NDST1: variants seen among roughly 807,000 people sequenced by gnomAD.
The protein encoded by NDST1 is bifunctional heparan sulfate N-deacetylase/N-sulfotransferase 1.
NDST1 carries 35 observed loss-of-function variants against 92.8 expected under a neutral mutation model. The ratio of observed to expected loss-of-function variants is 0.38; its 90% CI spans 0.29 to 0.50. The LOEUF (loss-of-function observed/expected upper bound fraction) is 0.50, where lower values mean the gene tolerates loss of function less well. NDST1 is among the 20% of genes least tolerant of loss of function. NDST1 has a pLI of 0.94. For synonymous variants in NDST1, 493 were observed against 500.3 expected (o/e 0.99, Z 0.19); for missense variants, 822 against 1,182.7 (o/e 0.69, Z 4.47).
chr5:150,521,414 C>T lies in NDST1; in HGVS notation c.160C>T (p.Pro54Ser). The change falls in exon 2 of 15, where the codon CCT (proline) becomes TCT (serine). Residue 54 changes from proline to serine, a missense_variant. Physicochemically the swap from Pro to Ser is moderately conservative, Grantham distance 74 (BLOSUM62 -1). Coordinates refer to ENST00000261797, the MANE Select transcript of NDST1 (RefSeq NM_001543.5). The surrounding 1 kb of genome is among the most constrained non-coding windows in gnomAD (Gnocchi z 5.9). ...GGAGCCCTCGGCGGATGCCCCCGAG[C>T]CTGACTGCGGGGACCCGCCGCCTGT... ...GLEPSADAPE[P>S]DCGDPPPVAP... 1.2e-6 allele frequency: 2 copies of T among 1,613,018 alleles called. No individual in the cohort carries two copies. The highest frequency in any genetic ancestry group is 1.1e-5 in the South Asian group (1 of 91,078).
At chr5:150,513,769 C>G (rs900291819) in intron 1 of NDST1, among the ~76,000 whole-genome samples, 2 of 152,252 alleles carry the variant, frequency 1.3e-5, no homozygotes, top group Non-Finnish European at 2.9e-5. Context: ...TCCCTGGTCC[C>G]AGTCTCTGGA....
upstream of NDST1, among the ~76,000 whole-genome samples, chr5:150,503,235 G>A (rs1753308162): frequency 6.6e-6 from 1 of 152,134 alleles, no homozygotes; most frequent in African/African-American, 2.4e-5. Flanking sequence ...CTGAGGTCAG[G>A]AGTTCGAGAC....
Position 150,542,626 on chromosome 5 carries a change from C to T in NDST1, c.1847-222C>T, listed in dbSNP as rs542686291. Among the ~76,000 whole-genome samples, 6 of 152,278 alleles carry T rather than the reference C, an allele frequency of 3.9e-5. No individual in the cohort carries two copies. The South Asian group carries it at 8.3e-4, about 21-fold the overall frequency. ...AGTGCTGTGATAGATTAGCGATGTC[C>T]GTAGTAGGTACAGGAGTTGCGGTGT... On this transcript the variant is annotated intron_variant, in intron 9 of 14. Coordinates refer to ENST00000261797, the MANE Select transcript of NDST1 (RefSeq NM_001543.5).
rs1181381708 is a variant in NDST1, at chr5:150,543,027, G to T, written c.1970+56G>T. ...GGGAAGGCCATCCTGGGGCCTCCCA[G>T]GAGTCTGCTGTGGCCACAGCAGGAA... On this transcript the variant is annotated intron_variant, in intron 10 of 14. Transcript: ENST00000261797. 7 of 1,610,802 alleles carry T rather than the reference G, an allele frequency of 4.3e-6. No individual in the cohort carries two copies. In the Admixed American group the frequency reaches 1.2e-4, roughly 27 times the overall value.
At chr5:150,512,252 G>A (rs536412489) in intron 1 of NDST1, among the ~76,000 whole-genome samples, 28 of 152,258 alleles carry the variant, frequency 1.8e-4, no homozygotes, top group African/African-American at 6.3e-4. Flanking sequence ...GTGTGTGTTG[G>A]GGGGGCAGGG....
chr5:150,551,539 G>A (rs1755727083), intron 13 of NDST1, among the ~76,000 whole-genome samples: 1 of 152,218 alleles, frequency 6.6e-6, no homozygotes, highest in African/African-American at 2.4e-5. Flanking sequence ...CAGAATGTGC[G>A]AGCTGCCCTT....
At chr5:150,518,671 T>C (rs1033767853) in intron 1 of NDST1, 2 of 152,248 alleles carry the variant, frequency 1.3e-5, no homozygotes, top group Non-Finnish European at 2.9e-5. Flanking sequence ...TTATAAATGT[T>C]TTTGACTTTG....
At chr5:150,502,251 G>A (rs1442038990) in intron 1 of NDST1, among the ~76,000 whole-genome samples, 5 of 152,150 alleles carry the variant, frequency 3.3e-5, no homozygotes, top group Non-Finnish European at 7.4e-5. Context: ...GAGGTTGGGC[G>A]AGTCAGTGGT....
intron 3 of NDST1, among the ~76,000 whole-genome samples, 157 bp from the exon 4 acceptor site, chr5:150,532,788 A>G (rs1247019255): frequency 6.6e-6 from 1 of 152,044 alleles, no homozygotes; most frequent in Non-Finnish European, 1.5e-5. Context: ...CAGCTTCCCA[A>G]ACTGCTGGGA....
At chr5:150,541,415 G>C (rs1436058329) in intron 8 of NDST1, among the ~76,000 whole-genome samples, 155 bp from the exon 9 acceptor site, 1 of 152,180 alleles carries the variant, frequency 6.6e-6, no homozygotes, top group Non-Finnish European at 1.5e-5. Flanking sequence ...CTGCCTGTCA[G>C]TGGCTCAGTG....
Position 150,549,799 on chromosome 5 carries a change from C to G in NDST1, c.2426+12C>G. On this transcript the variant is annotated intron_variant, in intron 13 of 14. Coordinates refer to ENST00000261797, the MANE Select transcript of NDST1 (RefSeq NM_001543.5). ...CACAAAACCTTGGCGTGAGTGTTGC[C>G]TTTTCCTTTCTGCAGGTTATTTCCC... is the stretch of plus-strand genomic sequence containing the variant. 6.5e-7 allele frequency: 1 copy of G among 1,541,130 alleles called. No individual in the cohort carries two copies. Among genetic ancestry groups the G allele is most frequent in the Non-Finnish European group, 9.0e-7 (1 of 1,113,426 alleles).
chr5:150,499,091 GT>G (rs1463851760), intron 1 of NDST1, among the ~76,000 whole-genome samples: 6 of 152,220 alleles, frequency 3.9e-5, no homozygotes, highest in Non-Finnish European at 7.3e-5. Context: ...CTGCAGGGAA[GT>G]TGGCCTCTAC....
At chr5:150,501,619 G>A (rs1007295212) in intron 1 of NDST1, among the ~76,000 whole-genome samples, 3 of 152,174 alleles carry the variant, frequency 2.0e-5, no homozygotes, top group African/African-American at 7.2e-5. Context: ...AGATGAGGGA[G>A]ACAATAGTCC....
intron 3 of NDST1, 91 bp downstream of exon 3, chr5:150,528,389 A>C: frequency 7.1e-7 from 1 of 1,402,956 alleles, no homozygotes; most frequent in Non-Finnish European, 9.6e-7. Flanking sequence ...CCCTGTCTGC[A>C]TCTCCCCTAT....
chr5:150,509,945 G>C (rs1344314995), intron 1 of NDST1, among the ~76,000 whole-genome samples: 3 of 152,260 alleles, frequency 2.0e-5, no homozygotes, highest in East Asian at 3.9e-4. Flanking sequence ...AGCTAGAGAA[G>C]CTGGGTCAGC....
chr5:150,534,447 G>A (rs528784691), intron 4 of NDST1, among the ~76,000 whole-genome samples: 67 of 152,162 alleles, frequency 4.4e-4, no homozygotes, highest in Non-Finnish European at 8.2e-4. Context: ...GGTGGTTATA[G>A]TAATATGTCT....
intron 8 of NDST1, among the ~76,000 whole-genome samples, chr5:150,541,327 T>C (rs1755238795): frequency 1.3e-5 from 2 of 152,148 alleles, no homozygotes; most frequent in South Asian, 4.1e-4. Context: ...ATTCAACAAG[T>C]GCTTATGAGT....
At position 150,553,768 on chromosome 5, in the gene NDST1, C is replaced by G. The variant is rs1755812892; in HGVS notation, c.*436C>G. The G allele has an allele frequency of 2.3e-6, 1 of 428,700 alleles. No homozygotes were observed. Among genetic ancestry groups the G allele is most frequent in the African/African-American group, 2.0e-5 (1 of 50,412 alleles). The allele number at this position is 428,700 out of a possible 1,614,324, so 26.6% of individuals were successfully genotyped here. On this transcript the variant is annotated 3_prime_UTR_variant, in exon 15 of 15. Coordinates refer to ENST00000261797, the MANE Select transcript of NDST1 (RefSeq NM_001543.5). This position sits in a 1 kb window ranked among gnomAD's most constrained non-coding sequence, Gnocchi z 4.2. ...GGAGAGCCTGGCCGGGGGAGACAGA[C>G]TGGACATTTCCCTGTTTCGAGCCAG...
chr5:150,541,421 C>T, intron 8 of NDST1, 149 bp from the exon 9 acceptor site: 2 of 741,444 alleles, frequency 2.7e-6, no homozygotes, highest in Non-Finnish European at 4.8e-6. Flanking sequence ...GTCAGTGGCT[C>T]AGTGTCTGGG....
Sources: gnomAD v4.1 joint callset for allele counts (sites outside exome capture counted in the v4.1 genomes callset) on GRCh38, gnomAD v4.1.1 for gene constraint, Gnocchi (gnomAD v3.1) non-coding constraint, MANE v1.5 for transcripts, NCBI Gene and HGNC (gene_info 2026-07-23, HGNC 2026-07-21) for gene names.